Variants in GRIK4 observed in about 807,000 individuals in gnomAD.
The protein encoded by GRIK4 is glutamate ionotropic receptor kainate type subunit 4.
In GRIK4, 40 loss-of-function variants were observed where a neutral mutation model predicts 104.9. The observed-to-expected ratio is 0.38, with a 90% CI of 0.30 to 0.50. The LOEUF (loss-of-function observed/expected upper bound fraction) is 0.50, where lower values mean the gene tolerates loss of function less well. Ranked by LOEUF, GRIK4 falls within the 20% of genes least tolerant of loss-of-function variation. GRIK4 has a pLI of 0.93. For synonymous variants in GRIK4, 485 were observed against 524.9 expected, an observed-to-expected ratio of 0.92 and a Z score of 1.04; for missense variants, 1,047 against 1,308.1, an observed-to-expected ratio of 0.80 and a Z score of 3.08.
chr11:120,975,855 C>T (rs369455725), intron 19 of GRIK4, among the ~76,000 whole-genome samples: 2 of 152,098 alleles, frequency 1.3e-5, no homozygotes, highest in African/African-American at 4.8e-5. Context: ...ACTTGTCAGC[C>T]GTGGAACCTT....
At chr11:120,560,439 G>T (rs1390375425) in intron 1 of GRIK4, among the ~76,000 whole-genome samples, 6 of 152,130 alleles carry the variant, frequency 3.9e-5, no homozygotes, top group Non-Finnish European at 5.9e-5. Flanking sequence ...GGGTGTAGCA[G>T]GGAGCCTACA....
At chr11:120,776,842 A>G (rs576331222) in intron 3 of GRIK4, among the ~76,000 whole-genome samples, 44 of 152,330 alleles carry the variant, frequency 2.9e-4, no homozygotes, top group African/African-American at 1.0e-3. Context: ...TCTTCACAGC[A>G]GGGCAGCCGG....
At chr11:120,752,204 G>A (rs115749610) in intron 3 of GRIK4, among the ~76,000 whole-genome samples, 1,711 of 152,318 alleles carry the variant, frequency 0.011, 29 homozygotes, top group African/African-American at 0.038. Flanking sequence ...CTGTCAGCCA[G>A]GGAGCAGGAG....
intron 3 of GRIK4, among the ~76,000 whole-genome samples, chr11:120,662,140 A>G (rs1949827840): frequency 6.6e-6 from 1 of 152,062 alleles, no homozygotes; most frequent in African/African-American, 2.4e-5. Flanking sequence ...TCTGGGAGGG[A>G]AGCAGAAAGC....
At chr11:120,576,940 C>A (rs563285097) in intron 1 of GRIK4, among the ~76,000 whole-genome samples, 3 of 152,352 alleles carry the variant, frequency 2.0e-5, no homozygotes, top group African/African-American at 4.8e-5. Context: ...AAGGACTCAG[C>A]TCCCTGTTCT....
Position 120,860,144 on chromosome 11 carries a change from T to C in GRIK4, c.745-1815T>C, listed in dbSNP as rs762168531. 8.1e-4 allele frequency among the ~76,000 whole-genome samples: 123 copies of C among 152,342 alleles called. No individual in the cohort carries two copies. The Middle Eastern group carries it at 0.01, about 13-fold the overall frequency. On this transcript the variant is annotated intron_variant, in intron 8 of 20. Transcript: ENST00000527524. ...TCAGGCTGAGTGGCTGACGGGCTAG[T>C]CCTAGGGTCTGGAAGTCCTGTGTAC... is the stretch of plus-strand genomic sequence containing the variant.
chr11:120,948,971 G>A (rs1262796604), intron 14 of GRIK4, among the ~76,000 whole-genome samples: 1 of 152,166 alleles, frequency 6.6e-6, no homozygotes, highest in Non-Finnish European at 1.5e-5. Context: ...GGTGGGGCCA[G>A]AATTCAATCT....
At chr11:120,913,088 T>C (rs1218159030) in intron 13 of GRIK4, among the ~76,000 whole-genome samples, 2 of 152,208 alleles carry the variant, frequency 1.3e-5, no homozygotes, top group African/African-American at 4.8e-5. Context: ...CACTGTGAAG[T>C]AGGTATTATT....
chr11:120,759,823 C>T (rs1461259334), intron 3 of GRIK4, among the ~76,000 whole-genome samples: 2 of 151,706 alleles, frequency 1.3e-5, no homozygotes, highest in Non-Finnish European at 2.9e-5. Flanking sequence ...TTCTTTTTTT[C>T]CTAGAATCTT....
At chr11:120,856,493 A>G (rs1179353648) in intron 8 of GRIK4, among the ~76,000 whole-genome samples, 1 of 152,196 alleles carries the variant, frequency 6.6e-6, no homozygotes, top group Admixed American at 6.5e-5. Context: ...TTGGAAAGGA[A>G]GGGACAACTT....
Position 120,962,682 on chromosome 11 carries a change from G to T in GRIK4, c.2266+1G>T. On this transcript the variant is annotated splice_donor_variant, in intron 18 of 20. Transcript: ENST00000527524. LOFTEE classifies it high-confidence loss of function. ...GGCTATGGGATTGGCATGCCAGTCG[G>T]TATGCGGGAGAGGAACAGCCTCTTT... The T allele has an allele frequency of 6.2e-7, 1 of 1,605,054 alleles. No homozygotes were observed. Among genetic ancestry groups the T allele is most frequent in the South Asian group, 1.1e-5 (1 of 90,854 alleles).
chr11:120,638,858 T>A (rs868745461), intron 1 of GRIK4, among the ~76,000 whole-genome samples: 71 of 152,074 alleles, frequency 4.7e-4, no homozygotes, highest in Admixed American at 6.6e-4. Context: ...TGCCCTAATA[T>A]CATTTCTATC....
rs1230486196 is a variant in GRIK4 at position 120,905,227 on chromosome 11, C to T, written c.1273-63C>T. 1.6e-6 allele frequency: 2 copies of T among 1,228,010 alleles called. No homozygotes were observed. The highest frequency in any genetic ancestry group is 2.4e-6 in the Non-Finnish European group (2 of 831,314). 76.1% of individuals were successfully genotyped at this position (1,228,010 alleles called of 1,614,324 possible). A position where few individuals can be genotyped will look rare whatever the true frequency, so the allele number is the denominator to read the frequency against. ...GACCCTCTGTGCCCCTGGCCCTCCC[C>T]ATCACACGCGGGTGAGACACCAGGG... On this transcript the variant is annotated intron_variant, in intron 12 of 20. Transcript: ENST00000527524. This position sits in a 1 kb window ranked among gnomAD's most constrained non-coding sequence, Gnocchi z 5.1.
At position 120,928,988 on chromosome 11, in the gene GRIK4, T is replaced by TGC. The variant is rs1555096436; in HGVS notation, c.1477-11353_1477-11352dup. Among the ~76,000 whole-genome samples the TGC allele has an allele frequency of 1.2e-3, 142 of 118,588 alleles. 2 individuals carry two copies. The highest frequency in any genetic ancestry group is 3.6e-3 in the African/African-American group (134 of 37,218). 77.8% of individuals were successfully genotyped at this position (118,588 alleles called of 152,430 possible). ...GTGTGTGTGTGTGTGTGTGTGTGTG[T>TGC]GCGCGCGTGCACGCGTGTATGTGTG... On this transcript the variant is annotated intron_variant, in intron 13 of 20. Transcript: ENST00000527524.
At chr11:120,855,853 G>A (rs11218034) in intron 8 of GRIK4, among the ~76,000 whole-genome samples, 47,787 of 152,190 alleles carry the variant, frequency 0.31, 8,591 homozygotes, top group East Asian at 0.5. Context: ...GTGAGCCACC[G>A]CGCCCGGCCT....
At chr11:120,880,489 C>T (rs144346883) in intron 11 of GRIK4, among the ~76,000 whole-genome samples, 43 of 152,312 alleles carry the variant, frequency 2.8e-4, no homozygotes, top group Non-Finnish European at 2.8e-4. Flanking sequence ...GGTCTGAGTA[C>T]AAGTCCAAGT....
chr11:120,677,091 C>G (rs1408474349), intron 3 of GRIK4, among the ~76,000 whole-genome samples: 1 of 152,170 alleles, frequency 6.6e-6, no homozygotes, highest in Non-Finnish European at 1.5e-5. Flanking sequence ...ACAGAGGGAA[C>G]TGGACATGTT....
intron 3 of GRIK4, among the ~76,000 whole-genome samples, chr11:120,714,720 G>GTCCCCTTC (rs1484612089): frequency 6.6e-6 from 1 of 152,128 alleles, no homozygotes; most frequent in Non-Finnish European, 1.5e-5. Flanking sequence ...CTAGATGAAG[G>GTCCCCTTC]GGACATGGAA....
chr11:120,954,768 C>T (rs984461779), intron 15 of GRIK4, among the ~76,000 whole-genome samples: 2 of 146,662 alleles, frequency 1.4e-5, no homozygotes, highest in East Asian at 4.1e-4. Flanking sequence ...AACCATACGG[C>T]CTCTCTCTCT....
Sources: gnomAD v4.1 joint callset for allele counts (sites outside exome capture counted in the v4.1 genomes callset) on GRCh38, gnomAD v4.1.1 for gene constraint, Gnocchi (gnomAD v3.1) non-coding constraint, MANE v1.5 for transcripts, NCBI Gene and HGNC (gene_info 2026-07-23, HGNC 2026-07-21) for gene names.